Variants in STK32B observed in about 807,000 individuals in gnomAD.
STK32B encodes serine/threonine kinase 32B, also known as serine/threonine-protein kinase 32B.
A neutral mutation model predicts 52.6 loss-of-function variants in STK32B; 43 were observed. The ratio of observed to expected loss-of-function variants is 0.82; its 90% CI spans 0.64 to 1.05. The LOEUF is 1.05. STK32B is among the 50% of genes least tolerant of loss of function. The probability of loss-of-function intolerance (pLI) is 0.00; values close to 1 mark genes in which losing one functional copy is unlikely to be tolerated. For synonymous variants in STK32B, 238 were observed against 204.3 expected (o/e 1.17, Z -1.41); for missense variants, 621 against 534.6 (o/e 1.16, Z -1.59).
intron 6 of STK32B, among the ~76,000 whole-genome samples, chr4:5,429,265 A>G (rs1298754939): frequency 6.6e-6 from 1 of 152,034 alleles, no homozygotes. Context: ...CTTTTCATTG[A>G]TATTTAGACC....
At chr4:5,379,128 G>C (rs1010865346) in intron 4 of STK32B, among the ~76,000 whole-genome samples, 1 of 152,192 alleles carries the variant, frequency 6.6e-6, no homozygotes, top group Non-Finnish European at 1.5e-5. Context: ...ATAATGATGA[G>C]GTTGGTAGTA....
In STK32B at chr4:5,290,582, G is replaced by A. The variant is rs554189811; in HGVS notation, c.261-40638G>A. 2.4e-4 allele frequency among the ~76,000 whole-genome samples: 36 copies of A among 152,180 alleles called. 2 individuals carry two copies. Among genetic ancestry groups the A allele is most frequent in the Non-Finnish European group, 4.4e-4 (30 of 68,018 alleles). On this transcript the variant is annotated intron_variant, in intron 3 of 11. Coordinates refer to ENST00000282908, the MANE Select transcript of STK32B (RefSeq NM_018401.3). ...TGTTGACTGAAACATTACACAGCAC[G>A]TGACTGCATTTTTTTAATTACTTAA...
At chr4:5,313,057 T>C (rs1730413409) in intron 3 of STK32B, among the ~76,000 whole-genome samples, 1 of 151,646 alleles carries the variant, frequency 6.6e-6, no homozygotes, top group Admixed American at 6.6e-5. Flanking sequence ...TGAATATAGA[T>C]GCAAAAATCT....
At chr4:5,344,715 C>A (rs1269005723) in intron 4 of STK32B, among the ~76,000 whole-genome samples, 1 of 143,048 alleles carries the variant, frequency 7.0e-6, no homozygotes, top group Non-Finnish European at 1.5e-5. Context: ...GTCTTTTAAT[C>A]ATTAAGAGCA....
At chr4:5,239,912 A>G (rs61168333) in intron 3 of STK32B, among the ~76,000 whole-genome samples, 2,548 of 152,154 alleles carry the variant, frequency 0.017, 50 homozygotes, top group East Asian at 0.076. Context: ...TATCTCTGCC[A>G]TTCCCTCTGT....
intron 6 of STK32B, among the ~76,000 whole-genome samples, chr4:5,429,396 C>T (rs1560403487): frequency 6.6e-6 from 1 of 151,672 alleles, no homozygotes; most frequent in Non-Finnish European, 1.5e-5. Context: ...TTAGTTGATC[C>T]TTACTTATGA....
intron 9 of STK32B, among the ~76,000 whole-genome samples, chr4:5,466,485 C>T (rs185963562): frequency 3.9e-5 from 6 of 152,218 alleles, no homozygotes; most frequent in East Asian, 1.9e-4. Context: ...AACAGGAGTG[C>T]GGTTGCCCCA....
At chr4:5,057,113 G>A (rs575969434) in intron 1 of STK32B, among the ~76,000 whole-genome samples, 26 of 152,304 alleles carry the variant, frequency 1.7e-4, no homozygotes, top group African/African-American at 5.8e-4. Context: ...GGCATAGAGC[G>A]GCCATTTGTT....
At chr4:5,289,707 T>TCTA (rs1728768840) in intron 3 of STK32B, among the ~76,000 whole-genome samples, 1 of 116,594 alleles carries the variant, frequency 8.6e-6, no homozygotes, top group African/African-American at 5.7e-5. Context: ...TTTTTTTTTT[T>TCTA]TTTTTTTTGC....
chr4:5,187,560 T>C (rs1399094063), intron 3 of STK32B, among the ~76,000 whole-genome samples: 1 of 140,434 alleles, frequency 7.1e-6, no homozygotes, highest in Non-Finnish European at 1.5e-5. Flanking sequence ...TGCTGGTAAA[T>C]GCTTAACAAC....
At chr4:5,189,947 C>G (rs1721047321) in intron 3 of STK32B, among the ~76,000 whole-genome samples, 1 of 152,138 alleles carries the variant, frequency 6.6e-6, no homozygotes, top group Admixed American at 6.5e-5. Flanking sequence ...TGGCTGGCAT[C>G]TAGTAGTTGC....
rs1306957605 is a variant in STK32B at position 5,398,914 on chromosome 4, T to C, written c.472+670T>C. Among the ~76,000 whole-genome samples, 1 of 152,126 alleles carries C rather than the reference T, an allele frequency of 6.6e-6. No homozygotes were observed. Among genetic ancestry groups the C allele is most frequent in the Non-Finnish European group, 1.5e-5 (1 of 68,036 alleles). On this transcript the variant is annotated intron_variant, in intron 5 of 11. Coordinates refer to ENST00000282908, the MANE Select transcript of STK32B (RefSeq NM_018401.3). The surrounding 1 kb of genome is among the most constrained non-coding windows in gnomAD (Gnocchi z 4.9). Reference sequence around the variant, plus strand: ...AGTAGCAAGGCACCAAGTCAGTGGCTCTCCAACTCTGGCCTTACCAGAATT... The same window carrying C: ...AGTAGCAAGGCACCAAGTCAGTGGCCCTCCAACTCTGGCCTTACCAGAATT...
chr4:5,182,247 T>A (rs1006180893), intron 3 of STK32B, among the ~76,000 whole-genome samples: 1 of 152,160 alleles, frequency 6.6e-6, no homozygotes, highest in Non-Finnish European at 1.5e-5. Flanking sequence ...TCCACTGAAG[T>A]CTTGAACCTG....
At chr4:5,305,021 C>T (rs890706749) in intron 3 of STK32B, among the ~76,000 whole-genome samples, 4 of 152,016 alleles carry the variant, frequency 2.6e-5, no homozygotes, top group African/African-American at 9.7e-5. Context: ...ATCATCCCTG[C>T]ATCCCTGTTA....
intron 4 of STK32B, among the ~76,000 whole-genome samples, chr4:5,353,247 A>G (rs1363460033): frequency 6.6e-6 from 1 of 152,148 alleles, no homozygotes; most frequent in African/African-American, 2.4e-5. Flanking sequence ...TATACAAAAA[A>G]CAACTCAAGG....
intron 4 of STK32B, among the ~76,000 whole-genome samples, chr4:5,381,592 A>G (rs1289990825): frequency 1.3e-5 from 2 of 152,238 alleles, no homozygotes; most frequent in East Asian, 1.9e-4. Flanking sequence ...TCCCTCCACC[A>G]TCCTATATGG....
intron 3 of STK32B, among the ~76,000 whole-genome samples, chr4:5,330,697 C>T (rs1384117987): frequency 6.6e-6 from 1 of 152,134 alleles, no homozygotes; most frequent in Non-Finnish European, 1.5e-5. Flanking sequence ...TGGCTGGGTT[C>T]CAAGAGGCAA....
Position 5,470,996 on chromosome 4 carries a change from C to A in STK32B, c.1106+2926C>A, listed in dbSNP as rs567816294. Among the ~76,000 whole-genome samples the A allele has an allele frequency of 1.3e-5, 2 of 152,342 alleles. No individual in the cohort carries two copies. Among genetic ancestry groups the A allele is most frequent in the Non-Finnish European group, 2.9e-5 (2 of 68,038 alleles). On this transcript the variant is annotated intron_variant, in intron 11 of 11. Coordinates refer to ENST00000282908, the MANE Select transcript of STK32B (RefSeq NM_018401.3). This position sits in a 1 kb window ranked among gnomAD's most constrained non-coding sequence, Gnocchi z 4.6. ...GGTCCCCAGCAGTTCCGCCTCCTTT[C>A]AATCTCTGCAGACCTGGCCATCAGC... is the stretch of plus-strand genomic sequence containing the variant.
At chr4:5,046,152 G>A in the STK32B span, among the ~76,000 whole-genome samples, 1 of 152,254 alleles carries the variant, frequency 6.6e-6, no homozygotes. Flanking sequence ...CATGGTAGTG[G>A]TACCAAAACA....
Sources: gnomAD v4.1 joint callset for allele counts (sites outside exome capture counted in the v4.1 genomes callset) on GRCh38, gnomAD v4.1.1 for gene constraint, Gnocchi (gnomAD v3.1) non-coding constraint, MANE v1.5 for transcripts, NCBI Gene and HGNC (gene_info 2026-07-23, HGNC 2026-07-21) for gene names.